Variants in ZPBP observed in about 807,000 individuals in gnomAD.
ZPBP encodes zona pellucida binding protein, also known as zona pellucida-binding protein 1.
ZPBP carries 26 observed loss-of-function variants against 44.8 expected under a neutral mutation model. The observed-to-expected ratio is 0.58, with a 90% CI of 0.43 to 0.81. The LOEUF (loss-of-function observed/expected upper bound fraction) is 0.81, where lower values mean the gene tolerates loss of function less well. ZPBP is among the 30% of genes least tolerant of loss of function. ZPBP has a pLI of 0.00. For missense variants in ZPBP, 409 were observed against 434.0 expected (o/e 0.94, Z 0.51); for synonymous variants, 174 against 153.2 (o/e 1.14, Z -1.00).
At chr7:50,024,572 C>T (rs571989615) in intron 5 of ZPBP, among the ~76,000 whole-genome samples, 1 of 151,684 alleles carries the variant, frequency 6.6e-6, no homozygotes, top group African/African-American at 2.4e-5. Context: ...ATACTATAGG[C>T]TCAGAAAGAA....
intron 1 of ZPBP, among the ~76,000 whole-genome samples, chr7:49,927,713 T>C (rs1794294731): frequency 6.6e-6 from 1 of 152,160 alleles, no homozygotes. Context: ...CAGCAGCCCA[T>C]TCCACCATTC....
intron 1 of ZPBP, among the ~76,000 whole-genome samples, chr7:49,926,942 G>A (rs1794258884): frequency 6.6e-6 from 1 of 152,182 alleles, no homozygotes; most frequent in Admixed American, 6.5e-5. Flanking sequence ...GCAGGCCTCT[G>A]CTGTGCTCAG....
At chr7:50,018,071 C>T (rs1798901800) in intron 6 of ZPBP, among the ~76,000 whole-genome samples, 169 bp downstream of exon 6, 1 of 151,972 alleles carries the variant, frequency 6.6e-6, no homozygotes, top group South Asian at 2.1e-4. Context: ...TATAAAGATA[C>T]ATTCTATTAA....
chr7:49,864,452 A>T (rs925053452), intron 2 of ZPBP, among the ~76,000 whole-genome samples: 3 of 152,116 alleles, frequency 2.0e-5, no homozygotes, highest in Non-Finnish European at 2.9e-5. Context: ...GGTGTTCTAG[A>T]TTCCTCCAAA....
Position 50,004,916 on chromosome 7 carries a change from T to C in ZPBP, c.783+13324A>G, listed in dbSNP as rs1261547820. ...AATGGCTGAAAATTTTCCAAATTTATACAGACAGAAATGGCCACAAAAATA... is the reference window on the plus strand; with the variant it reads ...AATGGCTGAAAATTTTCCAAATTTACACAGACAGAAATGGCCACAAAAATA... On this transcript the variant is annotated intron_variant, in intron 6 of 7. Coordinates refer to ENST00000046087, the MANE Select transcript of ZPBP (RefSeq NM_007009.3). Among the ~76,000 whole-genome samples, 9 of 151,942 alleles carry C rather than the reference T, an allele frequency of 5.9e-5. No homozygotes were observed. The East Asian group carries it at 1.5e-3, about 26-fold the overall frequency.
chr7:50,090,575 ATATT>A (rs1428152233), intron 1 of ZPBP, among the ~76,000 whole-genome samples: 16 of 151,558 alleles, frequency 1.1e-4, no homozygotes, highest in African/African-American at 3.9e-4. Context: ...ATATGTGTAT[ATATT>A]TGTGTATATA....
At chr7:49,956,948 A>G (rs958095897) in intron 7 of ZPBP, among the ~76,000 whole-genome samples, 3 of 152,204 alleles carry the variant, frequency 2.0e-5, no homozygotes, top group African/African-American at 7.2e-5. Context: ...TGTCCCTTCC[A>G]AACTCATGTT....
At chr7:49,963,498 T>C (rs1477294361) in intron 7 of ZPBP, among the ~76,000 whole-genome samples, 1 of 151,482 alleles carries the variant, frequency 6.6e-6, no homozygotes, top group Admixed American at 6.6e-5. Flanking sequence ...TGAGCAAGAG[T>C]TGGACAGATA....
intron 3 of ZPBP, among the ~76,000 whole-genome samples, chr7:50,069,722 T>C (rs1285506662): frequency 2.6e-5 from 4 of 152,116 alleles, no homozygotes; most frequent in Admixed American, 6.5e-5. Context: ...ATTTCCTCCC[T>C]TGCAACGCAC....
At chr7:49,946,956 C>A (rs1363767212) in intron 7 of ZPBP, among the ~76,000 whole-genome samples, 2 of 152,070 alleles carry the variant, frequency 1.3e-5, no homozygotes, top group Non-Finnish European at 2.9e-5. Context: ...CTTTATTTTG[C>A]CTGATAAATT....
At chr7:49,865,002 C>G (rs1223232983) in intron 2 of ZPBP, among the ~76,000 whole-genome samples, 3 of 85,728 alleles carry the variant, frequency 3.5e-5, no homozygotes, top group Non-Finnish European at 8.3e-5. Context: ...GTAGAGCTGC[C>G]TACTCTCAAT....
chr7:50,067,762 C>G (rs995981602), intron 3 of ZPBP, among the ~76,000 whole-genome samples: 3 of 152,130 alleles, frequency 2.0e-5, no homozygotes, highest in African/African-American at 7.2e-5. Flanking sequence ...GCTTCCTGCA[C>G]CAGTAGGGCA....
intron 4 of ZPBP, among the ~76,000 whole-genome samples, chr7:50,051,528 A>T (rs776268256): frequency 1.1e-4 from 17 of 152,096 alleles, no homozygotes; most frequent in Non-Finnish European, 2.2e-4. Flanking sequence ...TAATGATTCC[A>T]TGTCATTGAA....
At chr7:49,886,401 T>C (rs1253554616) in intron 2 of ZPBP, among the ~76,000 whole-genome samples, 1 of 152,236 alleles carries the variant, frequency 6.6e-6, no homozygotes, top group Admixed American at 6.5e-5. Context: ...TATGCTAATA[T>C]AGGTAATTAA....
At chr7:49,897,517 C>A (rs1473143560) in intron 2 of ZPBP, among the ~76,000 whole-genome samples, 1 of 152,174 alleles carries the variant, frequency 6.6e-6, no homozygotes, top group Non-Finnish European at 1.5e-5. Context: ...AGTTTCCAGT[C>A]TGGCATGTAG....
chr7:49,869,538 T>C (rs1049458992), intron 2 of ZPBP, among the ~76,000 whole-genome samples: 3 of 152,234 alleles, frequency 2.0e-5, no homozygotes, highest in Non-Finnish European at 4.4e-5. Context: ...CTTTATATGT[T>C]TTATATTTTT....
intron 7 of ZPBP, among the ~76,000 whole-genome samples, chr7:49,950,361 T>A (rs1562795679): frequency 6.6e-6 from 1 of 151,808 alleles, no homozygotes; most frequent in African/African-American, 2.4e-5. Context: ...AAAATATAAG[T>A]TTAAGACAAA....
intron 6 of ZPBP, among the ~76,000 whole-genome samples, chr7:49,995,740 G>A (rs1308214562): frequency 6.6e-6 from 1 of 152,134 alleles, no homozygotes; most frequent in Non-Finnish European, 1.5e-5. Context: ...TAAAACTGGA[G>A]ACCATTATGT....
intron 7 of ZPBP, among the ~76,000 whole-genome samples, chr7:49,939,048 A>G (rs965424138): frequency 6.6e-6 from 1 of 152,130 alleles, no homozygotes; most frequent in Non-Finnish European, 1.5e-5. Context: ...AAGTAGATTT[A>G]TTTCCTCCAG....
Sources: allele counts gnomAD v4.1 joint callset (sites outside exome capture counted in the v4.1 genomes callset), GRCh38; gene constraint gnomAD v4.1.1; transcripts MANE v1.5; gene names NCBI Gene and HGNC (gene_info 2026-07-23, HGNC 2026-07-21).